Variants in EXOC6B observed in about 807,000 individuals in gnomAD.
EXOC6B encodes the protein exocyst complex component 6B, also known as SEC15 homolog B.
In EXOC6B, 54 loss-of-function variants were observed where a neutral mutation model predicts 113.5. That is an observed-to-expected ratio of 0.48 (90% confidence interval 0.38 to 0.60). The LOEUF is 0.60. EXOC6B is among the 20% of genes least tolerant of loss of function. The pLI, the probability that EXOC6B is intolerant of heterozygous loss-of-function variation, is 0.00. For synonymous variants in EXOC6B, 357 were observed against 339.0 expected, an observed-to-expected ratio of 1.05 and a Z score of -0.58; for missense variants, 797 against 977.5, an observed-to-expected ratio of 0.82 and a Z score of 2.46.
intron 18 of EXOC6B, among the ~76,000 whole-genome samples, chr2:72,381,777 C>T (rs1018335113): frequency 3.3e-5 from 5 of 152,048 alleles, no homozygotes; most frequent in Admixed American, 2.0e-4. Flanking sequence ...CCAGATATTT[C>T]GTAGAGTATT....
chr2:72,366,843 T>C (rs1021797437), intron 19 of EXOC6B, among the ~76,000 whole-genome samples: 10 of 151,980 alleles, frequency 6.6e-5, no homozygotes, highest in Non-Finnish European at 1.2e-4. Flanking sequence ...TGAAAACATC[T>C]TTCTGAAGAT....
At chr2:72,256,449 G>C (rs1203514988) in intron 20 of EXOC6B, among the ~76,000 whole-genome samples, 1 of 152,178 alleles carries the variant, frequency 6.6e-6, no homozygotes, top group African/African-American at 2.4e-5. Context: ...CTTTGCAATT[G>C]CTGCTTCAGG....
chr2:72,341,450 G>A (rs762585799), intron 19 of EXOC6B, among the ~76,000 whole-genome samples: 9 of 152,028 alleles, frequency 5.9e-5, no homozygotes, highest in East Asian at 3.8e-4. Flanking sequence ...CTATGGTAAC[G>A]ATAATTAAAA....
chr2:72,452,324 T>C (rs1382983210), intron 18 of EXOC6B, among the ~76,000 whole-genome samples: 2 of 152,242 alleles, frequency 1.3e-5, no homozygotes, highest in Non-Finnish European at 2.9e-5. Flanking sequence ...GGATATTTAC[T>C]CAATGCTGGC....
rs201936997 is a variant in EXOC6B at position 72,299,183 on chromosome 2, CT to C, written c.2196+35763del. ...TATTTATTGGAGGCTTTGTTCATTTCTTTTCACTATTTTTTCTCTAATCTTC... is the reference window on the plus strand; with the variant it reads ...TATTTATTGGAGGCTTTGTTCATTTCTTTCACTATTTTTTCTCTAATCTTC... On this transcript the variant is annotated intron_variant, in intron 20 of 21. Transcript: ENST00000272427. 7.4e-3 allele frequency among the ~76,000 whole-genome samples: 1,123 copies of C among 151,974 alleles called. 45 individuals carry two copies. Among genetic ancestry groups the C allele is most frequent in the Admixed American group, 0.064 (983 of 15,242 alleles).
At chr2:72,798,089 GTCT>G (rs753000792) in intron 1 of EXOC6B, among the ~76,000 whole-genome samples, 17 of 151,962 alleles carry the variant, frequency 1.1e-4, no homozygotes, top group Non-Finnish European at 2.1e-4. Flanking sequence ...TCTTAATTTT[GTCT>G]TTACTTCCCT....
intron 1 of EXOC6B, among the ~76,000 whole-genome samples, chr2:72,751,541 AG>A (rs1682044052): frequency 6.6e-6 from 1 of 152,124 alleles, no homozygotes; most frequent in South Asian, 2.1e-4. Context: ...ACCGAGAGGA[AG>A]GGTCCATTGA....
At chr2:72,312,051 A>C (rs1379387060) in intron 20 of EXOC6B, among the ~76,000 whole-genome samples, 1 of 152,210 alleles carries the variant, frequency 6.6e-6, no homozygotes, top group Non-Finnish European at 1.5e-5. Flanking sequence ...TGAATTTTGG[A>C]CATATATCCC....
intron 1 of EXOC6B, among the ~76,000 whole-genome samples, chr2:72,793,814 G>C (rs1194768703): frequency 1.3e-5 from 2 of 152,286 alleles, no homozygotes; most frequent in South Asian, 2.1e-4. Context: ...AAATAGAAGA[G>C]GGTATCTAAG....
intron 6 of EXOC6B, among the ~76,000 whole-genome samples, chr2:72,608,895 T>C (rs1319377231): frequency 2.0e-5 from 3 of 152,022 alleles, no homozygotes; most frequent in African/African-American, 7.2e-5. Flanking sequence ...CAAATCTAGG[T>C]CACAAGCAGA....
chr2:72,673,735 TTTTA>T (rs1482352490), intron 6 of EXOC6B, among the ~76,000 whole-genome samples: 5 of 149,694 alleles, frequency 3.3e-5, no homozygotes, highest in Admixed American at 6.6e-5. Context: ...ATTATTTTTA[TTTTA>T]TTTTTTTATT....
intron 18 of EXOC6B, among the ~76,000 whole-genome samples, chr2:72,385,955 T>C (rs1181701876): frequency 6.6e-6 from 1 of 151,986 alleles, no homozygotes; most frequent in Non-Finnish European, 1.5e-5. Flanking sequence ...AGTACGGAAG[T>C]TCCTCACAAA....
At chr2:72,417,832 C>A (rs1474966919) in intron 18 of EXOC6B, among the ~76,000 whole-genome samples, 2 of 151,960 alleles carry the variant, frequency 1.3e-5, no homozygotes, top group Non-Finnish European at 2.9e-5. Context: ...TATTTATTTC[C>A]TTTTCCTTCA....
chr2:72,563,691 T>A (rs906154289), intron 7 of EXOC6B, among the ~76,000 whole-genome samples: 1 of 152,054 alleles, frequency 6.6e-6, no homozygotes, highest in African/African-American at 2.4e-5. Context: ...AAAAGAAACA[T>A]CAACATTTCT....
intron 7 of EXOC6B, among the ~76,000 whole-genome samples, chr2:72,567,413 G>C (rs1189322214): frequency 1.9e-4 from 29 of 151,924 alleles, no homozygotes. Flanking sequence ...TGATACTCTG[G>C]AAACCAGAAT....
chr2:72,583,235 C>G (rs6546777), intron 6 of EXOC6B, among the ~76,000 whole-genome samples: 128,103 of 152,192 alleles, frequency 0.84, 54,621 homozygotes, highest in East Asian at 0.99. Flanking sequence ...GAATTACTGG[C>G]ATTCCTAAGA....
intron 6 of EXOC6B, among the ~76,000 whole-genome samples, chr2:72,603,051 T>G (rs2104014091): frequency 6.8e-6 from 1 of 146,570 alleles, no homozygotes; most frequent in East Asian, 2.0e-4. Context: ...ATAGTCAGGG[T>G]TAACTTGTGT....
At chr2:72,727,667 T>G (rs1174658574) in intron 5 of EXOC6B, among the ~76,000 whole-genome samples, 3 of 152,162 alleles carry the variant, frequency 2.0e-5, no homozygotes, top group African/African-American at 7.2e-5. Context: ...GATGACGGTG[T>G]GTCATGTTAG....
At chr2:72,335,917 G>A (rs747984378) in intron 19 of EXOC6B, among the ~76,000 whole-genome samples, 3 of 152,090 alleles carry the variant, frequency 2.0e-5, no homozygotes, top group Non-Finnish European at 4.4e-5. Context: ...GAAGATGGCT[G>A]TACAGGGATA....
Sources: allele counts gnomAD v4.1 joint callset (sites outside exome capture counted in the v4.1 genomes callset), GRCh38; gene constraint gnomAD v4.1.1; transcripts MANE v1.5; gene names NCBI Gene and HGNC (gene_info 2026-07-23, HGNC 2026-07-21).